The following RANBP2 variants were observed in gnomAD, a reference collection of about 807,000 sequenced individuals.
RANBP2 encodes the protein E3 SUMO-protein ligase RanBP2.
Under a neutral mutation model 303.6 loss-of-function variants are expected in RANBP2, and 57 were observed. That is an observed-to-expected ratio of 0.19 (90% CI 0.15 to 0.23). The LOEUF (loss-of-function observed/expected upper bound fraction) is 0.23, where lower values mean the gene tolerates loss of function less well. RANBP2 is among the 10% of genes least tolerant of loss of function. The pLI, the probability that RANBP2 is intolerant of heterozygous loss-of-function variation, is 1.00. For missense variants in RANBP2, 3,138 were observed against 3,780.8 expected (o/e 0.83, Z 4.46); for synonymous variants, 1,167 against 1,301.5 (o/e 0.90, Z 2.23).
chr2:109,575,860 T>C, the RANBP2 span, among the ~76,000 whole-genome samples: 763 of 152,310 alleles, frequency 5.0e-3, 6 homozygotes, highest in African/African-American at 0.018. Flanking sequence ...TCCTTGAGGA[T>C]CATCACCTCT....
intron 18 of RANBP2, among the ~76,000 whole-genome samples, chr2:108,759,513 A>G (rs1017067613): frequency 1.3e-5 from 2 of 152,112 alleles, no homozygotes; most frequent in African/African-American, 2.4e-5. Context: ...TTTTTAGCCC[A>G]GGAAAGATTT....
chr2:109,669,336 T>C, the RANBP2 span, among the ~76,000 whole-genome samples: 1 of 152,022 alleles, frequency 6.6e-6, no homozygotes, highest in African/African-American at 2.4e-5. Flanking sequence ...TGAAATTCTG[T>C]CATCCTAAAA....
chr2:109,337,397 C>T, the RANBP2 span, among the ~76,000 whole-genome samples: 8 of 152,348 alleles, frequency 5.3e-5, no homozygotes, highest in East Asian at 1.5e-3. Flanking sequence ...AGGCTAGGTC[C>T]TCCTGTGTGT....
the RANBP2 span, among the ~76,000 whole-genome samples, chr2:109,714,673 G>GC: frequency 6.6e-6 from 1 of 151,628 alleles, no homozygotes; most frequent in African/African-American, 2.4e-5. Flanking sequence ...GTGCAGTGGT[G>GC]CCATTGGCTC....
At chr2:108,971,064 C>T in the RANBP2 span, among the ~76,000 whole-genome samples, 9 of 152,044 alleles carry the variant, frequency 5.9e-5, no homozygotes, top group South Asian at 2.1e-4. Flanking sequence ...TCACAGGGTC[C>T]GGCGAGACCG....
At chr2:109,001,945 T>C in the RANBP2 span, among the ~76,000 whole-genome samples, 2 of 152,104 alleles carry the variant, frequency 1.3e-5, no homozygotes, top group Non-Finnish European at 2.9e-5. Flanking sequence ...TTAGCCAGGA[T>C]GGTCTCGATC....
the RANBP2 span, among the ~76,000 whole-genome samples, chr2:109,518,915 C>CTTTTTTTTTTTTTTTTT: frequency 3.6e-5 from 4 of 110,990 alleles, no homozygotes; most frequent in African/African-American, 1.2e-4. Flanking sequence ...TGCTACATAT[C>CTTTTTTTTTTTTTTTTT]TTTTTTTTTT....
the RANBP2 span, among the ~76,000 whole-genome samples, chr2:108,898,313 A>C: frequency 6.6e-6 from 1 of 152,108 alleles, no homozygotes; most frequent in Admixed American, 6.5e-5. Context: ...CCCCGTGGTG[A>C]CCATGTCAGT....
chr2:108,786,682 T>C, downstream of RANBP2: 5 of 731,784 alleles, frequency 6.8e-6, no homozygotes, highest in African/African-American at 3.7e-5. Context: ...AGTCTCCGGG[T>C]CGCCCCGCCC....
the RANBP2 span, among the ~76,000 whole-genome samples, chr2:109,314,675 A>C: frequency 6.6e-6 from 1 of 152,248 alleles, no homozygotes; most frequent in Non-Finnish European, 1.5e-5. Context: ...TACATGCATA[A>C]GGCAAACCAG....
At chr2:109,061,923 G>A in the RANBP2 span, among the ~76,000 whole-genome samples, 5 of 152,124 alleles carry the variant, frequency 3.3e-5, no homozygotes, top group East Asian at 3.9e-4. Context: ...TCAGCTGACC[G>A]TGTGGCTGTC....
chr2:108,833,894 ATTTTTT>A, the RANBP2 span, among the ~76,000 whole-genome samples: 101 of 79,218 alleles, frequency 1.3e-3, no homozygotes, highest in African/African-American at 4.4e-3. Context: ...CGCCCGGCTA[ATTTTTT>A]TTTTTTTTTT....
chr2:108,972,973 TTTTA>T, the RANBP2 span, among the ~76,000 whole-genome samples: 1 of 152,204 alleles, frequency 6.6e-6, no homozygotes, highest in Non-Finnish European at 1.5e-5. Flanking sequence ...GTGTTTATTT[TTTTA>T]TTTATTTTAA....
chr2:109,643,636 G>A, the RANBP2 span, among the ~76,000 whole-genome samples: 1 of 151,804 alleles, frequency 6.6e-6, no homozygotes, highest in South Asian at 2.1e-4. Context: ...GTGGTGGCAC[G>A]TGACTGTGGT....
chr2:109,491,018 A>G, the RANBP2 span: 4 of 1,299,112 alleles, frequency 3.1e-6, no homozygotes, highest in Non-Finnish European at 4.0e-6. Context: ...GAGCAGGGAC[A>G]CTGTGGCCTT....
the RANBP2 span, among the ~76,000 whole-genome samples, chr2:109,151,756 G>A: frequency 2.0e-5 from 3 of 152,210 alleles, no homozygotes; most frequent in Non-Finnish European, 4.4e-5. Context: ...GACCACTTCA[G>A]ATATCATAAT....
At chr2:109,446,374 T>TC in the RANBP2 span, among the ~76,000 whole-genome samples, 1 of 152,130 alleles carries the variant, frequency 6.6e-6, no homozygotes, top group Non-Finnish European at 1.5e-5. Context: ...AGCAGCCATG[T>TC]CCCCACCTCA....
Position 108,763,566 on chromosome 2 carries a change from C to T in RANBP2, c.3027C>T (p.Pro1009=). ...IEFGKTNFVQ[P]MPGEGLRPSL... is the part of the protein sequence containing the mutation. ...TTGGGAAAACTAATTTTGTTCAGCC[C>T]ATGCCGGGTGAAGGATTAAGGCCAT... is the stretch of plus-strand genomic sequence containing the variant. Residue 1009 remains proline, a synonymous_variant, in exon 20 of 29, where the codon CCC becomes CCT. Transcript: ENST00000283195. 6.2e-7 allele frequency: 1 copy of T among 1,614,112 alleles called. No homozygotes were observed. Among genetic ancestry groups the T allele is most frequent in the Non-Finnish European group, 8.5e-7 (1 of 1,180,004 alleles).
chr2:108,946,924 T>C, the RANBP2 span, among the ~76,000 whole-genome samples: 1 of 152,106 alleles, frequency 6.6e-6, no homozygotes, highest in Non-Finnish European at 1.5e-5. Flanking sequence ...AAACCAATCA[T>C]GCCTTCCCAA....
Sources: gnomAD v4.1 joint callset for allele counts (sites outside exome capture counted in the v4.1 genomes callset) on GRCh38, gnomAD v4.1.1 for gene constraint, MANE v1.5 for transcripts, NCBI Gene and HGNC (gene_info 2026-07-23, HGNC 2026-07-21) for gene names.